Variants in NRG1 observed in about 807,000 individuals in gnomAD.
NRG1 encodes neuregulin 1.
In NRG1, 18 loss-of-function variants were observed where a neutral mutation model predicts 63.8. The ratio of observed to expected loss-of-function variants is 0.28; its 90% CI spans 0.19 to 0.42. The LOEUF is 0.42. Ranked by LOEUF, NRG1 falls within the 10% of genes least tolerant of loss-of-function variation. The pLI, the probability that NRG1 is intolerant of heterozygous loss-of-function variation, is 1.00. For missense variants in NRG1, 762 were observed against 814.7 expected (o/e 0.94, Z 0.79); for synonymous variants, 302 against 301.3 (o/e 1.00, Z -0.02).
chr8:32,134,310 T>C (rs1367541678), intron 1 of NRG1, among the ~76,000 whole-genome samples: 2 of 152,158 alleles, frequency 1.3e-5, no homozygotes, highest in Non-Finnish European at 2.9e-5. Flanking sequence ...TTAGAAACTA[T>C]ATTTACCTGG....
chr8:32,703,749 A>G (rs1303259534), intron 5 of NRG1, among the ~76,000 whole-genome samples: 1 of 152,176 alleles, frequency 6.6e-6, no homozygotes, highest in Non-Finnish European at 1.5e-5. Context: ...TGTATGGTCT[A>G]TTCTTTAATT....
intron 1 of NRG1, among the ~76,000 whole-genome samples, chr8:32,499,756 C>A (rs1167311895): frequency 6.6e-6 from 1 of 152,144 alleles, no homozygotes; most frequent in Non-Finnish European, 1.5e-5. Context: ...GTCTCAGTCA[C>A]GTGCATTTCC....
At chr8:32,394,156 C>T (rs1378217103) in intron 1 of NRG1, among the ~76,000 whole-genome samples, 4 of 152,156 alleles carry the variant, frequency 2.6e-5, no homozygotes, top group African/African-American at 2.4e-5. Flanking sequence ...ACTCTGTGTT[C>T]CTGCTTTAAT....
chr8:31,679,768 G>T (rs1291835303), intron 1 of NRG1, among the ~76,000 whole-genome samples: 1 of 152,058 alleles, frequency 6.6e-6, no homozygotes, highest in East Asian at 1.9e-4. Flanking sequence ...AAGAAACAAT[G>T]CTATCCCTAG....
At chr8:32,723,826 A>G (rs75177923) in intron 5 of NRG1, among the ~76,000 whole-genome samples, 9,803 of 151,720 alleles carry the variant, frequency 0.065, 1,106 homozygotes, top group African/African-American at 0.23. Flanking sequence ...GGAAGAAAGA[A>G]GAAGGGCATG....
intron 5 of NRG1, among the ~76,000 whole-genome samples, chr8:32,625,934 C>G (rs955193142): frequency 6.6e-6 from 1 of 151,930 alleles, no homozygotes; most frequent in Non-Finnish European, 1.5e-5. Context: ...GCTGGGATTA[C>G]AGGTGCGTGC....
At chr8:32,047,908 C>T (rs983514415) in intron 1 of NRG1, among the ~76,000 whole-genome samples, 1 of 151,860 alleles carries the variant, frequency 6.6e-6, no homozygotes, top group Non-Finnish European at 1.5e-5. Context: ...CCGACATCTT[C>T]CTAACACCTC....
At chr8:32,015,002 T>TCACA (rs1465730820) in intron 1 of NRG1, among the ~76,000 whole-genome samples, 2 of 152,054 alleles carry the variant, frequency 1.3e-5, no homozygotes, top group East Asian at 1.9e-4. Flanking sequence ...AGATTCTCCC[T>TCACA]CACAGCATGC....
chr8:32,479,279 C>A (rs1340424697), intron 1 of NRG1, among the ~76,000 whole-genome samples: 2 of 151,844 alleles, frequency 1.3e-5, no homozygotes, highest in South Asian at 2.1e-4. Flanking sequence ...AGCTTGAGAC[C>A]AGCCTGGCCA....
chr8:32,049,156 C>G (rs1363381707), intron 1 of NRG1, among the ~76,000 whole-genome samples: 1 of 152,140 alleles, frequency 6.6e-6, no homozygotes, highest in Non-Finnish European at 1.5e-5. Context: ...AATATTTGCT[C>G]AGCTTTGATG....
chr8:32,464,011 G>T (rs1336890365), intron 1 of NRG1, among the ~76,000 whole-genome samples: 1 of 143,634 alleles, frequency 7.0e-6, no homozygotes, highest in Non-Finnish European at 1.5e-5. Flanking sequence ...TCCTGCCTCA[G>T]CCTCCCGAGT....
chr8:32,417,378 G>T (rs1289801558), intron 1 of NRG1, among the ~76,000 whole-genome samples: 1 of 152,132 alleles, frequency 6.6e-6, no homozygotes, highest in East Asian at 1.9e-4. Context: ...GCAGGTATTG[G>T]TGAGGTACAG....
intron 1 of NRG1, among the ~76,000 whole-genome samples, chr8:31,869,865 T>C (rs562259188): frequency 6.6e-6 from 1 of 152,296 alleles, no homozygotes; most frequent in South Asian, 2.1e-4. Flanking sequence ...AATAGTATGA[T>C]AAAGAAAGCA....
chr8:31,952,719 T>C (rs150188427), intron 1 of NRG1, among the ~76,000 whole-genome samples: 1 of 152,244 alleles, frequency 6.6e-6, no homozygotes, highest in East Asian at 1.9e-4. Flanking sequence ...AGGTGGCTGG[T>C]ACATTCCTGG....
intron 2 of NRG1, 102 bp from the exon 3 acceptor site, chr8:32,605,460 G>A: frequency 2.3e-6 from 3 of 1,320,412 alleles, no homozygotes; most frequent in Non-Finnish European, 3.2e-6. Flanking sequence ...TATAAGGTGG[G>A]GAGAGGCAGT....
chr8:32,267,162 GGA>G (rs1851061914), intron 1 of NRG1, among the ~76,000 whole-genome samples: 1 of 146,208 alleles, frequency 6.8e-6, no homozygotes, highest in Non-Finnish European at 1.5e-5. Context: ...AAAGAAGGAA[GGA>G]GAAAGAAGGA....
At chr8:32,425,342 T>C (rs528185604) in intron 1 of NRG1, among the ~76,000 whole-genome samples, 1 of 152,304 alleles carries the variant, frequency 6.6e-6, no homozygotes, top group South Asian at 2.1e-4. Context: ...TCTCTCCATA[T>C]TGATTTTTTA....
At chr8:32,080,699 G>T (rs1827311034) in intron 1 of NRG1, among the ~76,000 whole-genome samples, 1 of 151,918 alleles carries the variant, frequency 6.6e-6, no homozygotes, top group Non-Finnish European at 1.5e-5. Flanking sequence ...AGGCATGCTA[G>T]GTGAGATATG....
At chr8:32,279,647 G>A (rs973603411) in intron 1 of NRG1, among the ~76,000 whole-genome samples, 3 of 152,190 alleles carry the variant, frequency 2.0e-5, no homozygotes, top group Non-Finnish European at 2.9e-5. Flanking sequence ...CACCACGCCC[G>A]GCCAAGGCTC....
Sources: allele counts gnomAD v4.1 joint callset (sites outside exome capture counted in the v4.1 genomes callset), GRCh38; gene constraint gnomAD v4.1.1; transcripts MANE v1.5; gene names NCBI Gene and HGNC (gene_info 2026-07-23, HGNC 2026-07-21).